MIPOL1: variants seen among roughly 807,000 people sequenced by gnomAD.
MIPOL1 encodes the protein mirror-image polydactyly 1, also known as mirror-image polydactyly gene 1 protein.
A neutral mutation model predicts 60.9 loss-of-function variants in MIPOL1; 57 were observed. That is an observed-to-expected ratio of 0.94 (90% CI 0.76 to 1.17). MIPOL1 has a LOEUF of 1.17. Ranked by LOEUF, MIPOL1 falls within the 50% of genes most tolerant of loss-of-function variation. The pLI, the probability that MIPOL1 is intolerant of heterozygous loss-of-function variation, is 0.00. For synonymous variants in MIPOL1, 179 were observed against 168.8 expected (o/e 1.06, Z -0.47); for missense variants, 551 against 511.6 (o/e 1.08, Z -0.74).
At chr14:37,442,416 A>G (rs1342009666) in intron 11 of MIPOL1, among the ~76,000 whole-genome samples, 1 of 152,078 alleles carries the variant, frequency 6.6e-6, no homozygotes, top group African/African-American at 2.4e-5. Flanking sequence ...ATGTTGAATA[A>G]GAATGATGAG....
chr14:37,480,668 A>G (rs908336985), intron 11 of MIPOL1, among the ~76,000 whole-genome samples: 2 of 152,192 alleles, frequency 1.3e-5, no homozygotes, highest in Admixed American at 6.5e-5. Flanking sequence ...GCCAGCTCTC[A>G]CCATTTCTTT....
At chr14:37,289,017 CT>C (rs1023565138) in intron 7 of MIPOL1, among the ~76,000 whole-genome samples, 22 of 152,134 alleles carry the variant, frequency 1.4e-4, no homozygotes, top group African/African-American at 5.1e-4. Flanking sequence ...GTATTCATTT[CT>C]ATAGCCACGT....
intron 9 of MIPOL1, among the ~76,000 whole-genome samples, chr14:37,310,786 C>A (rs778086363): frequency 6.6e-6 from 1 of 152,056 alleles, no homozygotes; most frequent in Non-Finnish European, 1.5e-5. Flanking sequence ...TGCAAGGGCC[C>A]GACTCCTGGA....
chr14:37,386,039 T>C (rs927296718), intron 10 of MIPOL1, among the ~76,000 whole-genome samples: 1 of 152,038 alleles, frequency 6.6e-6, no homozygotes, highest in African/African-American at 2.4e-5. Flanking sequence ...TTGATTTATG[T>C]CTTCTTTAGT....
At chr14:37,533,960 G>A (rs534302824) in intron 12 of MIPOL1, among the ~76,000 whole-genome samples, 49 of 151,550 alleles carry the variant, frequency 3.2e-4, no homozygotes, top group African/African-American at 8.5e-4. Flanking sequence ...ATGATGGCAC[G>A]TCCCTTAATC....
chr14:37,542,576 G>A (rs1459119300), intron 12 of MIPOL1, among the ~76,000 whole-genome samples: 2 of 149,926 alleles, frequency 1.3e-5, no homozygotes, highest in East Asian at 1.9e-4. Flanking sequence ...ACCATGCCCT[G>A]TCTCCATTCC....
At chr14:37,525,943 G>T (rs1288934307) in intron 12 of MIPOL1, among the ~76,000 whole-genome samples, 1 of 152,098 alleles carries the variant, frequency 6.6e-6, no homozygotes, top group African/African-American at 2.4e-5. Context: ...AGTTAAATTT[G>T]TTCCTCTATG....
At chr14:37,368,250 T>A (rs927314701) in intron 9 of MIPOL1, among the ~76,000 whole-genome samples, 1 of 152,122 alleles carries the variant, frequency 6.6e-6, no homozygotes, top group Non-Finnish European at 1.5e-5. Flanking sequence ...GTATTATATA[T>A]GTATGAAGTG....
intron 1 of MIPOL1, among the ~76,000 whole-genome samples, chr14:37,237,703 T>C (rs967113473): frequency 6.6e-6 from 1 of 152,204 alleles, no homozygotes; most frequent in African/African-American, 2.4e-5. Flanking sequence ...CCTTGAAGTT[T>C]TGATCTTAAG....
chr14:37,250,531 A>T (rs1253038759), intron 3 of MIPOL1, among the ~76,000 whole-genome samples: 1 of 152,174 alleles, frequency 6.6e-6, no homozygotes, highest in Non-Finnish European at 1.5e-5. Flanking sequence ...TGGGCAACAG[A>T]GGGAGACTGT....
intron 10 of MIPOL1, among the ~76,000 whole-genome samples, chr14:37,376,146 A>C (rs2092771263): frequency 6.6e-6 from 1 of 152,190 alleles, no homozygotes; most frequent in South Asian, 2.1e-4. Flanking sequence ...CCTGCACCAG[A>C]GTGGTACATT....
intron 1 of MIPOL1, among the ~76,000 whole-genome samples, chr14:37,234,660 A>G (rs1971154415): frequency 6.6e-6 from 1 of 151,884 alleles, no homozygotes; most frequent in Non-Finnish European, 1.5e-5. Context: ...AATTCCTGAC[A>G]GTTGCTTTTG....
At chr14:37,357,910 T>C (rs183756397) in intron 9 of MIPOL1, among the ~76,000 whole-genome samples, 8 of 152,304 alleles carry the variant, frequency 5.3e-5, no homozygotes, top group Admixed American at 3.3e-4. Context: ...TACATAGTTA[T>C]ACATGTGCCA....
chr14:37,333,031 C>T (rs1037437851), intron 9 of MIPOL1, among the ~76,000 whole-genome samples: 1 of 152,108 alleles, frequency 6.6e-6, no homozygotes, highest in African/African-American at 2.4e-5. Context: ...TATAGTAGTA[C>T]AGTATTGCTA....
chr14:37,465,811 TACTA>T (rs1397776743), intron 11 of MIPOL1, among the ~76,000 whole-genome samples: 1 of 152,158 alleles, frequency 6.6e-6, no homozygotes, highest in Non-Finnish European at 1.5e-5. Flanking sequence ...TAAAAAGTAC[TACTA>T]ACTCCCTTCC....
At chr14:37,501,379 A>C (rs529805142) in intron 12 of MIPOL1, 1 of 152,302 alleles carries the variant, frequency 6.6e-6, no homozygotes, top group South Asian at 2.1e-4. Flanking sequence ...CTACAAATAC[A>C]TACAAATTTC....
chr14:37,455,692 GATT>G (rs934090564), intron 11 of MIPOL1, among the ~76,000 whole-genome samples: 12 of 151,930 alleles, frequency 7.9e-5, no homozygotes, highest in Admixed American at 6.6e-4. Flanking sequence ...TCCCAAATTC[GATT>G]ATTATCTGCC....
At chr14:37,205,455 G>A (rs1413940060) in intron 1 of MIPOL1, among the ~76,000 whole-genome samples, 1 of 151,732 alleles carries the variant, frequency 6.6e-6, no homozygotes. Context: ...CATGGCTGCT[G>A]TTAAAACACA....
At chr14:37,418,399 G>C (rs925986943) in intron 10 of MIPOL1, among the ~76,000 whole-genome samples, 1 of 152,082 alleles carries the variant, frequency 6.6e-6, no homozygotes, top group Non-Finnish European at 1.5e-5. Context: ...GGTCAAGACT[G>C]ATATCAAGAT....
Sources: allele counts gnomAD v4.1 joint callset (sites outside exome capture counted in the v4.1 genomes callset), GRCh38; gene constraint gnomAD v4.1.1; transcripts MANE v1.5; gene names NCBI Gene and HGNC (gene_info 2026-07-23, HGNC 2026-07-21).